The following PHF24 variants were observed in gnomAD, a reference collection of about 807,000 sequenced individuals.
PHF24 encodes the protein PHD finger protein 24.
PHF24 carries 25 observed loss-of-function variants against 42.6 expected under a neutral mutation model. That is an observed-to-expected ratio of 0.59 (90% CI 0.43 to 0.82). The LOEUF (loss-of-function observed/expected upper bound fraction) is 0.82. Ranked by LOEUF, PHF24 falls within the 40% of genes least tolerant of loss-of-function variation. PHF24 has a pLI of 0.00. For missense variants in PHF24, 470 were observed against 538.1 expected (o/e 0.87, Z 1.25); for synonymous variants, 185 against 204.8 (o/e 0.90, Z 0.83).
chr9:34,896,592 A>G, the PHF24 span, among the ~76,000 whole-genome samples: 4 of 152,194 alleles, frequency 2.6e-5, 1 homozygote, highest in Non-Finnish European at 5.9e-5. Flanking sequence ...AAGGTTCACA[A>G]ACTTGTGGCT....
At chr9:34,794,507 A>G in the PHF24 span, among the ~76,000 whole-genome samples, 1 of 152,244 alleles carries the variant, frequency 6.6e-6, no homozygotes, top group African/African-American at 2.4e-5. Flanking sequence ...CTGAGATAAG[A>G]CAGAAATTGA....
At chr9:34,691,203 G>A in the PHF24 span, 3 of 1,482,898 alleles carry the variant, frequency 2.0e-6, no homozygotes, top group African/African-American at 1.4e-5. Context: ...GTGTGTGCAG[G>A]ATCTGTGTGA....
At chr9:34,888,002 T>A in the PHF24 span, among the ~76,000 whole-genome samples, 14 of 152,180 alleles carry the variant, frequency 9.2e-5, no homozygotes, top group East Asian at 1.9e-4. Flanking sequence ...TGTTTTTTTT[T>A]TAATTATTAT....
chr9:34,710,023 G>C, the PHF24 span: 1 of 1,614,148 alleles, frequency 6.2e-7, no homozygotes, highest in African/African-American at 1.3e-5. Flanking sequence ...GATGCCAAAG[G>C]CCAGAACCAG....
At chr9:34,904,938 A>G in the PHF24 span, among the ~76,000 whole-genome samples, 1 of 151,750 alleles carries the variant, frequency 6.6e-6, no homozygotes, top group Admixed American at 6.6e-5. Flanking sequence ...CATTCATCAG[A>G]CACTTCTGAG....
chr9:34,677,830 T>C, the PHF24 span, among the ~76,000 whole-genome samples: 1 of 152,198 alleles, frequency 6.6e-6, no homozygotes, highest in Admixed American at 6.5e-5. Flanking sequence ...GTCCTACCTC[T>C]TCTTATGCCA....
chr9:34,757,990 C>T, the PHF24 span, among the ~76,000 whole-genome samples: 1 of 152,008 alleles, frequency 6.6e-6, no homozygotes, highest in Non-Finnish European at 1.5e-5. Flanking sequence ...GGGACATAGC[C>T]ATATTGTTTC....
the PHF24 span, chr9:34,917,520 A>G: frequency 2.6e-6 from 2 of 774,364 alleles, no homozygotes. Context: ...AATTTGAGGC[A>G]CACCTGTAAA....
the PHF24 span, among the ~76,000 whole-genome samples, chr9:34,786,257 A>G: frequency 2.0e-5 from 3 of 152,254 alleles, no homozygotes; most frequent in African/African-American, 7.2e-5. Context: ...TATTATCCAA[A>G]ATTATATTTA....
the PHF24 span, among the ~76,000 whole-genome samples, chr9:34,703,250 C>A: frequency 6.6e-6 from 1 of 152,050 alleles, no homozygotes; most frequent in Non-Finnish European, 1.5e-5. Flanking sequence ...CCTCGGCTCA[C>A]AGCAACCTCC....
chr9:34,953,280 G>T (rs1457494336), upstream of PHF24, among the ~76,000 whole-genome samples: 1 of 152,190 alleles, frequency 6.6e-6, no homozygotes, highest in Non-Finnish European at 1.5e-5. The surrounding 1 kb of genome is among the most constrained non-coding windows in gnomAD (Gnocchi z 4.1). Context: ...CTCCTGAGTA[G>T]CTAGGCATGT....
the PHF24 span, chr9:34,728,616 T>A: frequency 6.4e-7 from 1 of 1,550,720 alleles, no homozygotes. Context: ...TACCTGTTGA[T>A]GCTGCATCTC....
chr9:34,851,572 G>T, the PHF24 span, among the ~76,000 whole-genome samples: 1 of 152,132 alleles, frequency 6.6e-6, no homozygotes, highest in Non-Finnish European at 1.5e-5. Flanking sequence ...GCAATGCCTC[G>T]CCCTGCTTCG....
chr9:34,699,052 A>G, the PHF24 span, among the ~76,000 whole-genome samples: 17 of 152,370 alleles, frequency 1.1e-4, no homozygotes, highest in African/African-American at 4.1e-4. Flanking sequence ...TCCAGTGACA[A>G]CGTGACCTAA....
chr9:34,937,357 C>T, the PHF24 span, among the ~76,000 whole-genome samples: 1 of 152,106 alleles, frequency 6.6e-6, no homozygotes, highest in African/African-American at 2.4e-5. Context: ...ACCCCCAACC[C>T]TGTGCTCTCT....
the PHF24 span, among the ~76,000 whole-genome samples, chr9:34,779,882 C>A: frequency 6.6e-6 from 1 of 152,110 alleles, no homozygotes; most frequent in Non-Finnish European, 1.5e-5. Flanking sequence ...CCTGCCAACA[C>A]GCCCCGCTAA....
At chr9:34,971,461 G>C (rs1748525593) in exon 2 of PHF24, 1 of 1,614,156 alleles carries the variant, frequency 6.2e-7, no homozygotes, top group African/African-American at 1.3e-5. Context: ...CGTCCAGGAG[G>C]TACAGGAGGA....
chr9:34,857,436 G>A, the PHF24 span, among the ~76,000 whole-genome samples: 1 of 152,320 alleles, frequency 6.6e-6, no homozygotes, highest in East Asian at 1.9e-4. Context: ...CCCTGATGGT[G>A]TAAGCTCACA....
At chr9:34,914,436 C>T in the PHF24 span, among the ~76,000 whole-genome samples, 1 of 152,106 alleles carries the variant, frequency 6.6e-6, no homozygotes, top group African/African-American at 2.4e-5. Flanking sequence ...GTTTTCCTCC[C>T]CATTCCTACA....
Sources: gnomAD v4.1 joint callset for allele counts (sites outside exome capture counted in the v4.1 genomes callset) on GRCh38, gnomAD v4.1.1 for gene constraint, Gnocchi (gnomAD v3.1) non-coding constraint, MANE v1.5 for transcripts, NCBI Gene and HGNC (gene_info 2026-07-23, HGNC 2026-07-21) for gene names.